RPS6KC1: variants seen among roughly 807,000 people sequenced by gnomAD.
RPS6KC1 encodes inactive ribosomal protein S6 kinase delta-1.
Under a neutral mutation model 103.8 loss-of-function variants are expected in RPS6KC1, and 54 were observed. The observed-to-expected ratio is 0.52, with a 90% CI of 0.42 to 0.65. The LOEUF (loss-of-function observed/expected upper bound fraction) is 0.65. Ranked by LOEUF, RPS6KC1 falls within the 30% of genes least tolerant of loss-of-function variation. The pLI, the probability that RPS6KC1 is intolerant of heterozygous loss-of-function variation, is 0.00. For synonymous variants in RPS6KC1, 439 were observed against 438.7 expected, an observed-to-expected ratio of 1.00 and a Z score of -0.01; for missense variants, 1,151 against 1,253.8, an observed-to-expected ratio of 0.92 and a Z score of 1.24.
At chr1:213,286,698 A>G in the RPS6KC1 span, among the ~76,000 whole-genome samples, 525 of 152,348 alleles carry the variant, frequency 3.4e-3, 2 homozygotes, top group African/African-American at 0.012. Context: ...AAAAGAAGTG[A>G]TAGAATATTC....
the RPS6KC1 span, among the ~76,000 whole-genome samples, chr1:213,515,241 C>T: frequency 6.6e-6 from 1 of 152,120 alleles, no homozygotes; most frequent in African/African-American, 2.4e-5. Flanking sequence ...TAATGAGATC[C>T]CATTTGTCAA....
chr1:213,235,978 C>T (rs1402054016), intron 10 of RPS6KC1, among the ~76,000 whole-genome samples: 2 of 150,702 alleles, frequency 1.3e-5, no homozygotes, highest in African/African-American at 4.9e-5. Flanking sequence ...GGGCCACAGA[C>T]GGGTACCTGG....
chr1:213,582,440 G>A, the RPS6KC1 span, among the ~76,000 whole-genome samples: 6 of 152,160 alleles, frequency 3.9e-5, no homozygotes, highest in Admixed American at 2.0e-4. Context: ...CCTTACTGAC[G>A]GCACATGGCC....
At chr1:213,310,943 C>T in the RPS6KC1 span, among the ~76,000 whole-genome samples, 13 of 152,076 alleles carry the variant, frequency 8.5e-5, no homozygotes, top group Non-Finnish European at 1.5e-4. Context: ...GGTGAAGCCT[C>T]ACACGGGGAA....
At chr1:213,719,276 G>A in the RPS6KC1 span, among the ~76,000 whole-genome samples, 1 of 152,174 alleles carries the variant, frequency 6.6e-6, no homozygotes, top group South Asian at 2.1e-4. Flanking sequence ...CATTTAATGA[G>A]TGCCTACTAT....
At chr1:213,147,045 T>TA (rs2087940451) in intron 6 of RPS6KC1, among the ~76,000 whole-genome samples, 1 of 152,222 alleles carries the variant, frequency 6.6e-6, no homozygotes, top group Admixed American at 6.5e-5. Context: ...ATTGGATTAT[T>TA]AGATTTTTTC....
the RPS6KC1 span, among the ~76,000 whole-genome samples, chr1:213,743,507 T>C: frequency 3.3e-5 from 5 of 152,010 alleles, no homozygotes; most frequent in African/African-American, 1.2e-4. Flanking sequence ...AAAATAAAAG[T>C]TGAGAAAAAA....
the RPS6KC1 span, among the ~76,000 whole-genome samples, chr1:213,536,490 G>A: frequency 1.3e-5 from 2 of 152,024 alleles, no homozygotes; most frequent in Non-Finnish European, 2.9e-5. Flanking sequence ...TTAGTTTGTG[G>A]TGCATGGTTT....
chr1:213,749,949 A>C, the RPS6KC1 span, among the ~76,000 whole-genome samples: 1 of 152,238 alleles, frequency 6.6e-6, no homozygotes, highest in African/African-American at 2.4e-5. Context: ...TTGTTTACCT[A>C]ACTTCAAAAT....
the RPS6KC1 span, among the ~76,000 whole-genome samples, chr1:213,404,283 A>G: frequency 6.6e-6 from 1 of 152,150 alleles, no homozygotes; most frequent in Non-Finnish European, 1.5e-5. Context: ...TCTTTGAGCA[A>G]GGAGGCAGCT....
chr1:213,748,000 G>C, the RPS6KC1 span, among the ~76,000 whole-genome samples: 1 of 152,136 alleles, frequency 6.6e-6, no homozygotes, highest in African/African-American at 2.4e-5. Context: ...AATTAATTAT[G>C]AAGCTATTAA....
the RPS6KC1 span, among the ~76,000 whole-genome samples, chr1:213,419,093 C>T: frequency 8.1e-4 from 124 of 152,340 alleles, no homozygotes; most frequent in Non-Finnish European, 1.0e-4. Context: ...ATCCTTCTTC[C>T]TCTATGTCCC....
At chr1:213,566,502 T>C in the RPS6KC1 span, among the ~76,000 whole-genome samples, 7 of 131,922 alleles carry the variant, frequency 5.3e-5, no homozygotes, top group South Asian at 1.1e-3. Flanking sequence ...GGATATTGCC[T>C]TTCCTCTCTT....
chr1:213,293,678 A>G, the RPS6KC1 span, among the ~76,000 whole-genome samples: 2 of 152,206 alleles, frequency 1.3e-5, no homozygotes, highest in Admixed American at 1.3e-4. Context: ...TCTTGAAAAG[A>G]AAAGAACAAG....
At chr1:213,829,669 A>T in the RPS6KC1 span, among the ~76,000 whole-genome samples, 1 of 152,178 alleles carries the variant, frequency 6.6e-6, no homozygotes, top group Non-Finnish European at 1.5e-5. Context: ...AGAGAAATTT[A>T]TCTCCAAGGG....
intron 12 of RPS6KC1, among the ~76,000 whole-genome samples, chr1:213,255,076 G>GA (rs2094611539): frequency 6.6e-6 from 1 of 152,074 alleles, no homozygotes. Context: ...CAAGGCAGGA[G>GA]AATTACTTGA....
chr1:213,510,358 T>G, the RPS6KC1 span, among the ~76,000 whole-genome samples: 1 of 152,218 alleles, frequency 6.6e-6, no homozygotes, highest in Admixed American at 6.5e-5. Flanking sequence ...CACTTTTATC[T>G]TTGTCATTTA....
the RPS6KC1 span, among the ~76,000 whole-genome samples, chr1:213,458,211 C>T: frequency 6.6e-6 from 1 of 151,988 alleles, no homozygotes; most frequent in Non-Finnish European, 1.5e-5. Context: ...CCATATGTAC[C>T]CAAAGTTTAG....
At chr1:213,261,453 A>G in intron 12 of RPS6KC1, 105 bp from the exon 13 acceptor site, 3 of 974,304 alleles carry the variant, frequency 3.1e-6, no homozygotes, top group South Asian at 2.8e-5. Flanking sequence ...AGTATTTAGT[A>G]TATGCTCTCT....
Sources: gnomAD v4.1 joint callset for allele counts (sites outside exome capture counted in the v4.1 genomes callset) on GRCh38, gnomAD v4.1.1 for gene constraint, MANE v1.5 for transcripts, NCBI Gene and HGNC (gene_info 2026-07-23, HGNC 2026-07-21) for gene names.